Variants in RASA2 observed in about 807,000 individuals in gnomAD.
RASA2 encodes RAS p21 protein activator 2.
A neutral mutation model predicts 118.2 loss-of-function variants in RASA2; 155 were observed. The observed-to-expected ratio is 1.31, with a 90% CI of 1.15 to 1.50. RASA2 has a LOEUF of 1.50. Ranked by LOEUF, RASA2 falls within the 40% of genes most tolerant of loss-of-function variation. The probability of loss-of-function intolerance (pLI) is 0.00; values close to 1 mark genes in which losing one functional copy is unlikely to be tolerated. For synonymous variants in RASA2, 353 were observed against 349.1 expected (o/e 1.01, Z -0.12); for missense variants, 1,016 against 1,009.6 (o/e 1.01, Z -0.09).
chr3:141,586,591 T>C (rs2083206118), intron 18 of RASA2, 55 bp from the exon 19 acceptor site: 1 of 1,233,464 alleles, frequency 8.1e-7, no homozygotes, highest in Admixed American at 2.2e-5. Flanking sequence ...ACTTCTTTGT[T>C]TTGGATTAAC....
chr3:141,580,194 A>AATTCCT (rs766781837), intron 15 of RASA2, among the ~76,000 whole-genome samples, 174 bp from the exon 16 acceptor site: 2 of 144,416 alleles, frequency 1.4e-5, no homozygotes, highest in Non-Finnish European at 3.0e-5. Context: ...TTAGTCTCTT[A>AATTCCT]ATTCCTTAGG....
chr3:141,581,075 A>G, intron 16 of RASA2, 25 bp from the exon 17 acceptor site: 1 of 1,501,244 alleles, frequency 6.7e-7, no homozygotes, highest in Admixed American at 2.7e-5. Flanking sequence ...TAACACATAT[A>G]AACCCTGTGT....
intron 15 of RASA2, among the ~76,000 whole-genome samples, chr3:141,579,787 GGCTCATGCCTGT>G (rs1158384629): frequency 6.6e-6 from 1 of 151,778 alleles, no homozygotes; most frequent in Non-Finnish European, 1.5e-5. Context: ...GGTGCCAAAA[GGCTCATGCCTGT>G]AATCCCAGCA....
chr3:141,586,514 G>A (rs1164747486), intron 18 of RASA2, 132 bp from the exon 19 acceptor site: 2 of 584,156 alleles, frequency 3.4e-6, no homozygotes, highest in Admixed American at 7.1e-5. Flanking sequence ...GTCATGGATA[G>A]CAAAAACATT....
intron 1 of RASA2, among the ~76,000 whole-genome samples, chr3:141,506,915 CAAAAAAAAA>C (rs59123792): frequency 2.2e-5 from 2 of 89,764 alleles, no homozygotes; most frequent in Middle Eastern, 5.6e-3. Context: ...GACCCTGTCT[CAAAAAAAAA>C]AAAAAAAAGA....
intron 9 of RASA2, among the ~76,000 whole-genome samples, chr3:141,566,974 T>TA (rs2082829839): frequency 6.6e-6 from 1 of 152,158 alleles, no homozygotes; most frequent in African/African-American, 2.4e-5. Context: ...CAGCAATGCT[T>TA]AAAAAAACTC....
intron 2 of RASA2, among the ~76,000 whole-genome samples, chr3:141,512,883 T>TG (rs1202149765): frequency 6.6e-6 from 1 of 151,998 alleles, no homozygotes; most frequent in African/African-American, 2.4e-5. Context: ...GGCAACATGG[T>TG]GAAACCCCGT....
At chr3:141,548,078 G>T (rs1007216203) in intron 5 of RASA2, among the ~76,000 whole-genome samples, 2 of 152,002 alleles carry the variant, frequency 1.3e-5, no homozygotes, top group African/African-American at 4.8e-5. Context: ...TTGTCGAATT[G>T]GGTTTGCTCA....
intron 15 of RASA2, among the ~76,000 whole-genome samples, chr3:141,579,898 A>G (rs1420350460): frequency 4.0e-5 from 6 of 151,240 alleles, no homozygotes; most frequent in African/African-American, 1.5e-4. Flanking sequence ...TCTACTGAAA[A>G]TACAAAAATT....
intron 1 of RASA2, among the ~76,000 whole-genome samples, chr3:141,498,652 T>C (rs2081736289): frequency 6.6e-6 from 1 of 152,144 alleles, no homozygotes; most frequent in Admixed American, 6.5e-5. Context: ...TGTCTTTTTT[T>C]TGTGGAGGGG....
At chr3:141,521,898 T>G (rs925814215) in intron 3 of RASA2, among the ~76,000 whole-genome samples, 5 of 151,170 alleles carry the variant, frequency 3.3e-5, no homozygotes, top group African/African-American at 4.8e-5. Flanking sequence ...ACACAGGTTT[T>G]TTTTTTTTTT....
chr3:141,571,392 C>T lies in RASA2; in HGVS notation c.1021-14C>T, dbSNP rs762253696. On this transcript the variant is annotated splice_polypyrimidine_tract_variant and intron_variant, in intron 10 of 23. Transcript: ENST00000286364. The stretch of plus-strand genomic sequence containing the variant: ...CTTGATGTTTGTGCTTGTTTTCTAC[C>T]TTTCTGTATTTAGCCAATATCTGCC... 4 of 1,605,598 alleles carry T rather than the reference C, an allele frequency of 2.5e-6. No individual in the cohort carries two copies. The highest frequency in any genetic ancestry group is 1.7e-5 in the Admixed American group (1 of 57,954).
chr3:141,613,464 C>G lies in RASA2; in HGVS notation c.*1151C>G, dbSNP rs1333246747. The G allele has an allele frequency of 6.6e-6, 1 of 152,172 alleles. No individual in the cohort carries two copies. The highest frequency in any genetic ancestry group is 1.5e-5 in the Non-Finnish European group (1 of 68,032). The allele number at this position is 152,172 out of a possible 1,614,324, so 9.4% of individuals were successfully genotyped here. ...GAAATTTACTTTTGTCCTAAAAACC[C>G]TAACTGTAAATAAGCAGTCGAAGCA... On this transcript the variant is annotated 3_prime_UTR_variant, in exon 24 of 24. Transcript: ENST00000286364.
chr3:141,574,148 G>A (rs2082970460), intron 14 of RASA2, 81 bp downstream of exon 14: 1 of 951,040 alleles, frequency 1.1e-6, no homozygotes, highest in East Asian at 3.3e-5. Flanking sequence ...TTTGGTTTGT[G>A]AGATATTTAA....
intron 1 of RASA2, among the ~76,000 whole-genome samples, chr3:141,494,671 TTTTTAAA>T (rs1336506274): frequency 1.3e-5 from 2 of 152,288 alleles, no homozygotes; most frequent in African/African-American, 2.4e-5. Flanking sequence ...CTGGCCCTAA[TTTTTAAA>T]TTTTAAATTT....
intron 9 of RASA2, among the ~76,000 whole-genome samples, chr3:141,564,741 T>C (rs2082790832): frequency 6.6e-6 from 1 of 152,186 alleles, no homozygotes; most frequent in African/African-American, 2.4e-5. Context: ...TAAATGGTGA[T>C]AATTGTTGTA....
At chr3:141,538,165 G>A (rs2082356039) in intron 4 of RASA2, among the ~76,000 whole-genome samples, 1 of 151,698 alleles carries the variant, frequency 6.6e-6, no homozygotes, top group South Asian at 2.1e-4. Context: ...TCTATTAAAT[G>A]ATTACAGATA....
chr3:141,490,091 T>C (rs1427795), intron 1 of RASA2, among the ~76,000 whole-genome samples: 8 of 151,838 alleles, frequency 5.3e-5, no homozygotes, highest in Admixed American at 3.9e-4. Flanking sequence ...AGACAAAATA[T>C]TGTCAGCAAC....
intron 1 of RASA2, among the ~76,000 whole-genome samples, chr3:141,509,513 A>G (rs2081918408): frequency 6.6e-6 from 1 of 152,228 alleles, no homozygotes; most frequent in Non-Finnish European, 1.5e-5. Flanking sequence ...ATTATGGAGC[A>G]TATTTATTAA....
Sources: allele counts gnomAD v4.1 joint callset (sites outside exome capture counted in the v4.1 genomes callset), GRCh38; gene constraint gnomAD v4.1.1; transcripts MANE v1.5; gene names NCBI Gene and HGNC (gene_info 2026-07-23, HGNC 2026-07-21).